KIF15: variants seen among roughly 807,000 people sequenced by gnomAD.
KIF15 encodes kinesin family member 15.
Under a neutral mutation model 190.6 loss-of-function variants are expected in KIF15, and 140 were observed. The observed-to-expected ratio is 0.73, with a 90% CI of 0.64 to 0.84. The LOEUF (loss-of-function observed/expected upper bound fraction) is 0.84. KIF15 is among the 40% of genes least tolerant of loss of function. The pLI is 0.00. For missense variants in KIF15, 1,372 were observed against 1,584.4 expected (o/e 0.87, Z 2.28); for synonymous variants, 528 against 551.3 (o/e 0.96, Z 0.59).
chr3:44,823,450 T>A (rs1697468300), intron 20 of KIF15, among the ~76,000 whole-genome samples: 1 of 152,212 alleles, frequency 6.6e-6, no homozygotes, highest in Non-Finnish European at 1.5e-5. Flanking sequence ...TTTATCCCAG[T>A]TAGGCTACAC....
rs951989680 is a variant in KIF15 at position 44,851,815 on chromosome 3, A to C, written c.3835A>C (p.Asn1279His). The C allele has an allele frequency of 2.5e-6, 4 of 1,613,918 alleles. No individual in the cohort carries two copies. The Admixed American group carries it at 6.7e-5, about 27-fold the overall frequency. ...AGAAGAAGTCCAAAGTGCCCTTTAC[A>C]ACAAAGAGATGGAATGCCTTAGAAT... ...DLEEVQSALYNKEMECLRMTD... is the reference protein window; with the variant it reads ...DLEEVQSALYHKEMECLRMTD... The change falls in exon 33 of 35, where the codon AAC becomes CAC. Residue 1279 changes from asparagine to histidine, a missense_variant. Transcript: ENST00000326047.
intron 6 of KIF15, chr3:44,864,280 C>T: frequency 6.2e-7 from 1 of 1,614,196 alleles, no homozygotes; most frequent in African/African-American, 1.3e-5. Flanking sequence ...GCCGGGGCCT[C>T]AGTTTCTCCA....
Position 44,826,136 on chromosome 3 carries a change from A to G in KIF15, c.2647A>G (p.Arg883Gly). The G allele has an allele frequency of 1.4e-5, 22 of 1,586,588 alleles. No homozygotes were observed. The highest frequency in any genetic ancestry group is 1.9e-5 in the Non-Finnish European group (22 of 1,173,308). The change falls in exon 21 of 35, where the codon AGA (arginine) becomes GGA (glycine). Residue 883 changes from arginine (R) to glycine (G), a missense_variant. Physicochemically the swap from Arg to Gly is moderately radical, Grantham distance 125. Transcript: ENST00000326047. ...GAAATTTGAGATTGACCAACTTTCAAGAAACCTCCAAAACTTCAAAAAAGA... is the reference window on the plus strand; with the variant it reads ...GAAATTTGAGATTGACCAACTTTCAGGAAACCTCCAAAACTTCAAAAAAGA... ...IMKFEIDQLS[R>G]NLQNFKKENE...
At chr3:44,801,644 A>G (rs1203269922) in intron 12 of KIF15, 118 bp downstream of exon 12, 2 of 962,494 alleles carry the variant, frequency 2.1e-6, no homozygotes, top group Non-Finnish European at 1.6e-6. Context: ...ATGGAAGGCT[A>G]TGAAAAATCA....
chr3:44,807,695 GGTGTGT>G (rs143004356), intron 16 of KIF15, among the ~76,000 whole-genome samples: 4 of 149,154 alleles, frequency 2.7e-5, no homozygotes, highest in Non-Finnish European at 6.0e-5. Context: ...ACAGCTTGAG[GGTGTGT>G]GTGTGTGTGT....
intron 27 of KIF15, among the ~76,000 whole-genome samples, chr3:44,839,339 C>T (rs527294393): frequency 3.1e-3 from 471 of 151,860 alleles, no homozygotes; most frequent in Non-Finnish European, 5.3e-3. Flanking sequence ...CGCCACTGCA[C>T]TCCAGCCTGG....
intron 7 of KIF15, among the ~76,000 whole-genome samples, chr3:44,789,096 A>G (rs1238247515): frequency 6.6e-6 from 1 of 151,962 alleles, no homozygotes; most frequent in Non-Finnish European, 1.5e-5. Context: ...TTGCTCTTTA[A>G]TATTTTCTTT....
chr3:44,854,369 A>G (rs142762053), downstream of KIF15, among the ~76,000 whole-genome samples: 1 of 147,958 alleles, frequency 6.8e-6, no homozygotes, highest in East Asian at 2.0e-4. Context: ...TGGGCAACAG[A>G]GTGAAAAAAA....
At chr3:44,852,015 C>G in intron 33 of KIF15, 63 bp downstream of exon 33, 1 of 1,531,282 alleles carries the variant, frequency 6.5e-7, no homozygotes, top group East Asian at 2.3e-5. Context: ...AACTAATTAG[C>G]GTAAAACTCA....
chr3:44,865,372 G>C, intron 6 of KIF15: 1 of 723,828 alleles, frequency 1.4e-6, no homozygotes, highest in Non-Finnish European at 2.2e-6. Flanking sequence ...TCTACCGGAA[G>C]TGTTTTGATC....
At chr3:44,824,606 T>C (rs1184182848) in intron 20 of KIF15, among the ~76,000 whole-genome samples, 1 of 152,214 alleles carries the variant, frequency 6.6e-6, no homozygotes, top group Non-Finnish European at 1.5e-5. Flanking sequence ...TCAAACTATT[T>C]TGTGTAATTT....
chr3:44,854,990 A>G (rs76952124), downstream of KIF15, among the ~76,000 whole-genome samples: 20 of 152,342 alleles, frequency 1.3e-4, no homozygotes, highest in African/African-American at 4.3e-4. Flanking sequence ...AAGGGACACA[A>G]TTCAACCCAG....
intron 1 of KIF15, among the ~76,000 whole-genome samples, chr3:44,768,152 A>G (rs1209678590): frequency 6.6e-6 from 1 of 151,890 alleles, no homozygotes; most frequent in Non-Finnish European, 1.5e-5. Context: ...TGCACCCTGT[A>G]GTCCCAGCTA....
intron 17 of KIF15, among the ~76,000 whole-genome samples, chr3:44,811,925 A>T (rs1232971841): frequency 6.6e-6 from 1 of 152,126 alleles, no homozygotes; most frequent in Non-Finnish European, 1.5e-5. Flanking sequence ...TTTTAATTTT[A>T]ATCACTTCTT....
downstream of KIF15, among the ~76,000 whole-genome samples, chr3:44,855,835 A>G (rs1699182482): frequency 6.6e-6 from 1 of 152,218 alleles, no homozygotes; most frequent in Admixed American, 6.5e-5. Flanking sequence ...GACGCAGGAC[A>G]TCCAATTAGA....
chr3:44,851,201 G>C (rs1422737554), intron 32 of KIF15, among the ~76,000 whole-genome samples: 1 of 152,202 alleles, frequency 6.6e-6, no homozygotes, highest in African/African-American at 2.4e-5. Flanking sequence ...AGGAGTTGGA[G>C]GCTGCAGTGA....
chr3:44,793,677 A>T (rs1169750073), intron 7 of KIF15, among the ~76,000 whole-genome samples: 1 of 152,172 alleles, frequency 6.6e-6, no homozygotes, highest in Non-Finnish European at 1.5e-5. Flanking sequence ...TTATCTTATA[A>T]AGCTAGATAA....
intron 22 of KIF15, 33 bp from the exon 23 acceptor site, chr3:44,827,426 A>G: frequency 6.9e-7 from 1 of 1,450,184 alleles, no homozygotes; most frequent in Non-Finnish European, 9.7e-7. Context: ...CATTGAGTGA[A>G]GTCAGGGGTA....
chr3:44,780,370 C>G (rs1420707807), intron 4 of KIF15, among the ~76,000 whole-genome samples: 3 of 152,052 alleles, frequency 2.0e-5, no homozygotes, highest in Non-Finnish European at 4.4e-5. Flanking sequence ...ATTTTAGTAT[C>G]TTTTAAAGAC....
Sources: gnomAD v4.1 joint callset for allele counts (sites outside exome capture counted in the v4.1 genomes callset) on GRCh38, gnomAD v4.1.1 for gene constraint, MANE v1.5 for transcripts, NCBI Gene and HGNC (gene_info 2026-07-23, HGNC 2026-07-21) for gene names.